The following STON2 variants were observed in gnomAD, a reference collection of about 807,000 sequenced individuals.
STON2 encodes the protein stonin 2.
A neutral mutation model predicts 65.7 loss-of-function variants in STON2; 29 were observed. That is an observed-to-expected ratio of 0.44 (90% CI 0.33 to 0.60). STON2 has a LOEUF of 0.60. Ranked by LOEUF, STON2 falls within the 20% of genes least tolerant of loss-of-function variation. The pLI, the probability that STON2 is intolerant of heterozygous loss-of-function variation, is 0.03. For synonymous variants in STON2, 404 were observed against 414.2 expected, an observed-to-expected ratio of 0.98 and a Z score of 0.30; for missense variants, 1,054 against 1,118.1, an observed-to-expected ratio of 0.94 and a Z score of 0.82.
chr14:81,425,188 T>C (rs1017159298), intron 2 of STON2, among the ~76,000 whole-genome samples: 1 of 152,228 alleles, frequency 6.6e-6, no homozygotes, highest in Non-Finnish European at 1.5e-5. Context: ...GAGAGTTTTT[T>C]AGAAACAGAT....
intron 5 of STON2, among the ~76,000 whole-genome samples, chr14:81,290,867 A>T (rs1257559882): frequency 2.6e-5 from 4 of 152,208 alleles, no homozygotes; most frequent in Non-Finnish European, 4.4e-5. Context: ...GACTGATGGT[A>T]GATGCAGTTT....
At chr14:81,317,656 G>A (rs906963056) in intron 5 of STON2, among the ~76,000 whole-genome samples, 1 of 152,202 alleles carries the variant, frequency 6.6e-6, no homozygotes, top group Non-Finnish European at 1.5e-5. Flanking sequence ...CCACTGCAAT[G>A]TTGGGCTCGG....
intron 5 of STON2, among the ~76,000 whole-genome samples, chr14:81,299,317 T>A (rs1449056946): frequency 2.0e-5 from 3 of 152,168 alleles, no homozygotes; most frequent in African/African-American, 7.2e-5. Context: ...TTAACTGTAA[T>A]AGTAATACTA....
At chr14:81,345,338 TAAG>T (rs912674136) in intron 4 of STON2, among the ~76,000 whole-genome samples, 1 of 152,132 alleles carries the variant, frequency 6.6e-6, no homozygotes, top group Non-Finnish European at 1.5e-5. Context: ...GTTGTCTTTA[TAAG>T]AAGAGGATGT....
intron 4 of STON2, among the ~76,000 whole-genome samples, chr14:81,346,406 C>G (rs566747017): frequency 6.6e-6 from 1 of 152,198 alleles, no homozygotes; most frequent in South Asian, 2.1e-4. Context: ...CCCCAAAGGA[C>G]TTTGGGACCA....
At chr14:81,408,138 C>CAG (rs1900960092) in intron 2 of STON2, among the ~76,000 whole-genome samples, 2 of 135,878 alleles carry the variant, frequency 1.5e-5, no homozygotes, top group African/African-American at 6.1e-5. Flanking sequence ...CACTGAAGAA[C>CAG]ACACACACAC....
rs763302410 is a variant in STON2, at chr14:81,278,657, C to T, written c.825G>A (p.Gly275=). 5.1e-6 allele frequency: 8 copies of T among 1,555,524 alleles called. No homozygotes were observed. The East Asian group carries it at 1.8e-4, about 35-fold the overall frequency. ...CAGAGGTCACTGGAGGGGCAGGGTG[C>T]CCATTCATGGCTGGACTGCTGGCCT... The part of the protein sequence containing the change: ...SWQASSPAMN[G]HPAPPVTSAR... Residue 275 remains glycine, a synonymous_variant, in exon 6 of 8, where the codon GGG becomes GGA. Transcript: ENST00000614646.
chr14:81,428,344 G>A (rs2371600), intron 1 of STON2, among the ~76,000 whole-genome samples: 4 of 152,160 alleles, frequency 2.6e-5, no homozygotes, highest in South Asian at 2.1e-4. Context: ...TTTAAACAAC[G>A]TATAACTGGA....
chr14:81,278,266 T>C lies in STON2; in HGVS notation c.1216A>G (p.Ser406Gly). 1 of 1,614,154 alleles carries C rather than the reference T, an allele frequency of 6.2e-7. No homozygotes were observed. Among genetic ancestry groups the C allele is most frequent in the Non-Finnish European group, 8.5e-7 (1 of 1,180,024 alleles). The change falls in exon 6 of 8, where the codon AGT becomes GGT. Residue 406 changes from serine to glycine, a missense_variant. By Grantham distance (56) the Ser-to-Gly change is moderately conservative. Coordinates refer to ENST00000614646, the MANE Select transcript of STON2 (RefSeq NM_001394390.1). ...ERRSQNSSISSTTGKSQRDSL... is the reference protein window; with the variant it reads ...ERRSQNSSISGTTGKSQRDSL... ...TCTCTTTGGCTTTTGCCCGTGGTACTGGAAATGGAACTGTTTTGGGAGCGC... is the reference window on the plus strand; with the variant it reads ...TCTCTTTGGCTTTTGCCCGTGGTACCGGAAATGGAACTGTTTTGGGAGCGC...
intron 2 of STON2, among the ~76,000 whole-genome samples, chr14:81,422,932 G>A (rs1595470230): frequency 6.6e-6 from 1 of 152,034 alleles, no homozygotes; most frequent in East Asian, 1.9e-4. Flanking sequence ...CTACTCAAGA[G>A]GCTGAGGTAG....
At chr14:81,409,171 G>A (rs940938553) in intron 2 of STON2, among the ~76,000 whole-genome samples, 5 of 152,120 alleles carry the variant, frequency 3.3e-5, no homozygotes, top group African/African-American at 4.8e-5. Flanking sequence ...TTGGAAGGCC[G>A]AGGAGGGAGG....
At chr14:81,273,973 G>C (rs879807569) in intron 6 of STON2, among the ~76,000 whole-genome samples, 37 of 152,170 alleles carry the variant, frequency 2.4e-4, no homozygotes, top group Non-Finnish European at 2.9e-5. Context: ...TGAACACCTA[G>C]ACAGCAGAGC....
intron 4 of STON2, among the ~76,000 whole-genome samples, chr14:81,338,470 G>A (rs375016019): frequency 1.1e-4 from 16 of 152,162 alleles, no homozygotes; most frequent in African/African-American, 3.6e-4. Flanking sequence ...CTTCTGTCTG[G>A]CTGTTATCCT....
At chr14:81,433,804 A>G (rs1433955110) in intron 1 of STON2, among the ~76,000 whole-genome samples, 5 of 152,216 alleles carry the variant, frequency 3.3e-5, no homozygotes, top group Non-Finnish European at 7.3e-5. Context: ...CCTGACTTAC[A>G]CTGGACATGC....
At chr14:81,370,348 C>T (rs959375306) in intron 4 of STON2, among the ~76,000 whole-genome samples, 4 of 152,162 alleles carry the variant, frequency 2.6e-5, no homozygotes, top group Non-Finnish European at 1.5e-5. Flanking sequence ...GTGCCATTCC[C>T]AAACCTTGCC....
At chr14:81,380,622 C>G (rs954940190) in intron 3 of STON2, among the ~76,000 whole-genome samples, 1 of 152,106 alleles carries the variant, frequency 6.6e-6, no homozygotes, top group African/African-American at 2.4e-5. Context: ...AACATATACA[C>G]GATGGAATAC....
intron 4 of STON2, among the ~76,000 whole-genome samples, chr14:81,367,237 G>A (rs1898778303): frequency 6.6e-6 from 1 of 152,010 alleles, no homozygotes; most frequent in African/African-American, 2.4e-5. Context: ...GGAGTGCGGT[G>A]GCACGATCTT....
At chr14:81,373,174 A>T (rs2140371612) in intron 3 of STON2, among the ~76,000 whole-genome samples, 1 of 152,184 alleles carries the variant, frequency 6.6e-6, no homozygotes, top group South Asian at 2.1e-4. Flanking sequence ...CTATACCCCC[A>T]TTCCTGGAAT....
chr14:81,323,793 A>G (rs548448776), intron 5 of STON2: 1 of 152,308 alleles, frequency 6.6e-6, no homozygotes, highest in South Asian at 2.1e-4. Flanking sequence ...AACTAGAGGT[A>G]ATTAGCATGT....
Sources: allele counts gnomAD v4.1 joint callset (sites outside exome capture counted in the v4.1 genomes callset), GRCh38; gene constraint gnomAD v4.1.1; transcripts MANE v1.5; gene names NCBI Gene and HGNC (gene_info 2026-07-23, HGNC 2026-07-21).